The following CCDC12 variants were observed in gnomAD, a reference collection of about 807,000 sequenced individuals.
CCDC12 encodes coiled-coil domain-containing protein 12.
Under a neutral mutation model 25.7 loss-of-function variants are expected in CCDC12, and 28 were observed. The observed-to-expected ratio is 1.09, with a 90% confidence interval of 0.81 to 1.50. The LOEUF (loss-of-function observed/expected upper bound fraction) is 1.50, where lower values mean the gene tolerates loss of function less well. CCDC12 is among the 40% of genes most tolerant of loss of function. CCDC12 has a pLI of 0.00. For synonymous variants in CCDC12, 75 were observed against 87.7 expected (o/e 0.86, Z 0.81); for missense variants, 198 against 210.0 (o/e 0.94, Z 0.35).
intron 2 of CCDC12, 197 bp downstream of exon 2, chr3:46,940,801 G>A (rs1275937567): frequency 2.0e-5 from 12 of 605,458 alleles, no homozygotes; most frequent in Non-Finnish European, 3.6e-5. Flanking sequence ...GGAAAATGAG[G>A]GAAAGGAGGC....
chr3:46,964,695 G>A (rs2034587487), intron 1 of CCDC12, among the ~76,000 whole-genome samples: 1 of 152,094 alleles, frequency 6.6e-6, no homozygotes, highest in Non-Finnish European at 1.5e-5. Flanking sequence ...GTCCACTCAG[G>A]GTTAAATGGA....
At position 46,976,733 on chromosome 3, in the gene CCDC12, C is replaced by G. The variant is rs779170392; in HGVS notation, c.-1G>C. 2 of 1,605,372 alleles carry G rather than the reference C, an allele frequency of 1.2e-6. No individual in the cohort carries two copies. Among genetic ancestry groups the G allele is most frequent in the African/African-American group, 2.7e-5 (2 of 74,648 alleles). The stretch of plus-strand genomic sequence containing the variant: ...CCACACCAGCCGTAGTTGCCTCCAT[C>G]TTGCCCGCGTACGCCCCTCCTTTTC... On this transcript the variant is annotated 5_prime_UTR_variant, in exon 1 of 7. Transcript: ENST00000683445.
At chr3:46,951,798 A>AAAAAAAAACAATATAT in intron 1 of CCDC12, among the ~76,000 whole-genome samples, 1 of 8,476 alleles carries the variant, frequency 1.2e-4, no homozygotes, top group African/African-American at 2.5e-4. Flanking sequence ...AAAAAAAAAA[A>AAAAAAAAACAATATAT]ATATATATAT....
At chr3:46,973,757 C>T (rs937728251) in intron 1 of CCDC12, among the ~76,000 whole-genome samples, 21 of 151,720 alleles carry the variant, frequency 1.4e-4, no homozygotes, top group Non-Finnish European at 2.5e-4. Context: ...GGACTACAGG[C>T]GCCCACCACC....
chr3:46,966,633 G>C (rs2034650315), intron 1 of CCDC12, among the ~76,000 whole-genome samples: 1 of 152,210 alleles, frequency 6.6e-6, no homozygotes, highest in Admixed American at 6.5e-5. Flanking sequence ...CACCAGGTGA[G>C]TTCAGACAGC....
chr3:46,968,807 A>G (rs1038986664), intron 1 of CCDC12, among the ~76,000 whole-genome samples: 2 of 152,170 alleles, frequency 1.3e-5, no homozygotes, highest in Admixed American at 6.5e-5. Context: ...AGCCTAAGGG[A>G]CAATCTAGGG....
chr3:46,956,730 G>A (rs1229403349), intron 1 of CCDC12, among the ~76,000 whole-genome samples: 1 of 145,458 alleles, frequency 6.9e-6, no homozygotes, highest in East Asian at 2.0e-4. Context: ...CTGAGGTGGG[G>A]GAATCATCTG....
chr3:46,925,435 G>A (rs757423789), intron 3 of CCDC12, 21 bp downstream of exon 3: 3 of 1,607,866 alleles, frequency 1.9e-6, no homozygotes, highest in Non-Finnish European at 2.6e-6. Flanking sequence ...AAGCAGAGGT[G>A]GAGAGGGACA....
chr3:46,958,582 C>G (rs2034370660), intron 1 of CCDC12, among the ~76,000 whole-genome samples: 1 of 152,192 alleles, frequency 6.6e-6, no homozygotes, highest in South Asian at 2.1e-4. Context: ...CGGTTTGGTT[C>G]TGGAACAAAC....
At chr3:46,957,050 G>C (rs988209898) in intron 1 of CCDC12, among the ~76,000 whole-genome samples, 7 of 152,122 alleles carry the variant, frequency 4.6e-5, no homozygotes, top group Non-Finnish European at 8.8e-5. Context: ...TTGAGTCTTG[G>C]GGGAGGAAGA....
rs74418700 is a variant in CCDC12, at chr3:46,960,177, G to A, written c.96+16460C>T. 2.0e-4 allele frequency among the ~76,000 whole-genome samples: 30 copies of A among 152,248 alleles called. No homozygotes were observed. In the East Asian group the frequency reaches 5.2e-3, roughly 26 times the overall value. ...CTTCCCACAGGGCCCCAGCCTGACC[G>A]TGCTTGAGGCAAGGGCCAGCCTCAC... is the stretch of plus-strand genomic sequence containing the variant. On this transcript the variant is annotated intron_variant, in intron 1 of 6. Coordinates refer to ENST00000683445, the MANE Select transcript of CCDC12 (RefSeq NM_001277074.2).
chr3:46,960,649 A>G (rs1341633583), intron 1 of CCDC12, among the ~76,000 whole-genome samples: 1 of 152,226 alleles, frequency 6.6e-6, no homozygotes, highest in Non-Finnish European at 1.5e-5. Flanking sequence ...TTTCAAGGAT[A>G]CAAGCTGTTG....
chr3:46,939,018 G>A lies in CCDC12; in HGVS notation c.164+1980C>T, dbSNP rs555937124. ...CACTGTATCACACGCCTGCTTCTTC[G>A]TTAACAGCCTGTCTCCTTCCAGAAA... On this transcript the variant is annotated intron_variant, in intron 2 of 6. Transcript: ENST00000683445. Among the ~76,000 whole-genome samples, 7 of 152,160 alleles carry A rather than the reference G, an allele frequency of 4.6e-5. No homozygotes were observed. The South Asian group carries it at 6.2e-4, about 14-fold the overall frequency.
intron 1 of CCDC12, among the ~76,000 whole-genome samples, chr3:46,946,991 GTCT>G (rs2033933416): frequency 1.3e-5 from 2 of 152,112 alleles, no homozygotes; most frequent in African/African-American, 4.8e-5. Flanking sequence ...CTCATCTAGG[GTCT>G]TCCCACCCTT....
At position 46,976,716 on chromosome 3, in the gene CCDC12, G is replaced by A; in HGVS notation, c.17C>T (p.Ala6Val). 2 of 1,608,502 alleles carry A rather than the reference G, an allele frequency of 1.2e-6. No homozygotes were observed. The highest frequency in any genetic ancestry group is 8.5e-7 in the Non-Finnish European group (1 of 1,177,486). Residue 6 changes from alanine to valine, a missense_variant, in exon 1 of 7, where the codon GCT (alanine) becomes GTT (valine). Ala to Val is a moderately conservative substitution (Grantham distance 64). Coordinates refer to ENST00000683445, the MANE Select transcript of CCDC12 (RefSeq NM_001277074.2). Reference protein sequence around the residue: MEATTAGVGRLEEEAL... With the variant: MEATTVGVGRLEEEAL... ...CTCTTCCTCTAGCCGGCCCACACCAGCCGTAGTTGCCTCCATCTTGCCCGC... is the reference window on the plus strand; with the variant it reads ...CTCTTCCTCTAGCCGGCCCACACCAACCGTAGTTGCCTCCATCTTGCCCGC...
At chr3:46,932,397 A>G (rs1461346995) in intron 2 of CCDC12, among the ~76,000 whole-genome samples, 1 of 152,222 alleles carries the variant, frequency 6.6e-6, no homozygotes, top group Non-Finnish European at 1.5e-5. Context: ...AGAACACTCA[A>G]TGGCTGGCTT....
chr3:46,951,779 C>CAAAAAAAAAAA lies in CCDC12; in HGVS notation c.97-10725_97-10715dup, dbSNP rs1198903085. On this transcript the variant is annotated intron_variant, in intron 1 of 6. Coordinates refer to ENST00000683445, the MANE Select transcript of CCDC12 (RefSeq NM_001277074.2). ...TGGGCGACAGAACGAGACTCCGTCT[C>CAAAAAAAAAAA]AAAAAAAAAAAAAAAAAAAATATAT... 8.1e-3 allele frequency among the ~76,000 whole-genome samples: 111 copies of CAAAAAAAAAAA among 13,638 alleles called. 9 individuals are homozygous for CAAAAAAAAAAA. Among genetic ancestry groups the CAAAAAAAAAAA allele is most frequent in the South Asian group, 0.016 (2 of 122 alleles). The allele number at this position is 13,638 out of a possible 152,430, so 8.9% of individuals were successfully genotyped here. A position where few individuals can be genotyped will look rare whatever the true frequency, so the allele number is the denominator to read the frequency against.
At chr3:46,980,653 C>A (rs7631423), upstream of CCDC12, among the ~76,000 whole-genome samples, 86,646 of 152,098 alleles carry the variant, frequency 0.57, 24,870 homozygotes, top group Non-Finnish European at 0.58. Context: ...CTGAGCTCCC[C>A]ACCCATCTCA....
At chr3:46,932,363 G>A (rs1189394470) in intron 2 of CCDC12, among the ~76,000 whole-genome samples, 4 of 152,202 alleles carry the variant, frequency 2.6e-5, no homozygotes. Flanking sequence ...GGATGTTTTT[G>A]TTTGGTGGTT....
Sources: gnomAD v4.1 joint callset for allele counts (sites outside exome capture counted in the v4.1 genomes callset) on GRCh38, gnomAD v4.1.1 for gene constraint, MANE v1.5 for transcripts, NCBI Gene and HGNC (gene_info 2026-07-23, HGNC 2026-07-21) for gene names.